Variants in NSMCE3 observed in about 807,000 individuals in gnomAD.
NSMCE3 encodes non-structural maintenance of chromosomes element 3 homolog.
For missense variants in NSMCE3, 452 were observed against 399.5 expected (o/e 1.13, Z -1.12); for synonymous variants, 214 against 172.2 (o/e 1.24, Z -1.90).
Position 29,269,652 on chromosome 15 carries a change from G to C in NSMCE3, c.54C>G (p.Asp18Glu), listed in dbSNP as rs771073952. The change falls in exon 1 of 1, where the codon GAC becomes GAG. Residue 18 changes from aspartate (D) to glutamate (E), a missense_variant. Asp to Glu is a conservative substitution (Grantham distance 45). Coordinates refer to ENST00000332303, the MANE Select transcript of NSMCE3 (RefSeq NM_138704.4). The stretch of plus-strand genomic sequence containing the variant: ...GGTTTCCGCTATGGCTCCAGTCTCT[G>C]TCCCTCTCGGCCTGGCCGCCAGAGC... ...RGRSGGQAER[D>E]RDWSHSGNPG... The C allele has an allele frequency of 1.9e-6, 3 of 1,571,902 alleles. No homozygotes were observed. Among genetic ancestry groups the C allele is most frequent in the South Asian group, 2.3e-5 (2 of 86,548 alleles).
chr15:29,269,763 T>C lies in NSMCE3; in HGVS notation c.-58A>G. Reference sequence around the variant, plus strand: ...GTAGGCAAGCAGCCGCGGCGGGGATTGCGGGTCGGCGACCCGCTAACGCCG... The same window carrying C: ...GTAGGCAAGCAGCCGCGGCGGGGATCGCGGGTCGGCGACCCGCTAACGCCG... On this transcript the variant is annotated 5_prime_UTR_variant, in exon 1 of 1. Coordinates refer to ENST00000332303, the MANE Select transcript of NSMCE3 (RefSeq NM_138704.4). 1.4e-6 allele frequency: 2 copies of C among 1,392,362 alleles called. No individual in the cohort carries two copies. The highest frequency in any genetic ancestry group is 3.2e-5 in the South Asian group (2 of 62,012). The allele number at this position is 1,392,362 out of a possible 1,614,324, so 86.3% of individuals were successfully genotyped here.
Position 29,269,029 on chromosome 15 carries a change from T to C in NSMCE3, c.677A>G (p.Asp226Gly). 1 of 1,614,148 alleles carries C rather than the reference T, an allele frequency of 6.2e-7. No individual in the cohort carries two copies. Among genetic ancestry groups the C allele is most frequent in the Non-Finnish European group, 8.5e-7 (1 of 1,180,030 alleles). The change falls in exon 1 of 1, where the codon GAC (aspartate) becomes GGC (glycine). Residue 226 changes from aspartate (D) to glycine (G), a missense_variant. Asp to Gly is a moderately conservative substitution (Grantham distance 94). Coordinates refer to ENST00000332303, the MANE Select transcript of NSMCE3 (RefSeq NM_138704.4). ...FGDPKKLITE[D>G]FVRQRYLEYR... ...TTCCAGGTAACGCTGTCGCACAAAG[T>C]CCTCAGTAATGAGTTTCTTTGGATC... is the stretch of plus-strand genomic sequence containing the variant.
In NSMCE3 at chr15:29,265,927, A is replaced by G. The variant is rs1290806215; in HGVS notation, c.*2864T>C. On this transcript the variant is annotated 3_prime_UTR_variant, in exon 1 of 1. Coordinates refer to ENST00000332303, the MANE Select transcript of NSMCE3 (RefSeq NM_138704.4). ...GGGAAAAAAGGCAGAAAACATATTT[A>G]CAATTTTAGGATTAGGGGAATTTTT... is the stretch of plus-strand genomic sequence containing the variant. 6.6e-6 allele frequency: 1 copy of G among 152,264 alleles called. No homozygotes were observed. The highest frequency in any genetic ancestry group is 2.4e-5 in the African/African-American group (1 of 41,470). 9.4% of individuals were successfully genotyped at this position (152,264 alleles called of 1,614,324 possible).
In NSMCE3 at chr15:29,269,568, C is replaced by T; in HGVS notation, c.138G>A (p.Glu46=). The change falls in exon 1 of 1, where the codon GAG becomes GAA. Residue 46 remains glutamate, a synonymous_variant. Transcript: ENST00000332303. Reference sequence around the variant, plus strand: ...CCGGCCCGCGGGACGTGCTCGGGGCCTCCTCGGCAAAGCCGTCTCTGAGAA... The same window carrying T: ...CCGGCCCGCGGGACGTGCTCGGGGCTTCCTCGGCAAAGCCGTCTCTGAGAA... ...ARVLRDGFAE[E]APSTSRGPGG... The T allele has an allele frequency of 6.5e-7, 1 of 1,531,516 alleles. No individual in the cohort carries two copies. The highest frequency in any genetic ancestry group is 1.4e-5 in the African/African-American group (1 of 69,412). 94.9% of individuals were successfully genotyped at this position (1,531,516 alleles called of 1,614,324 possible).
chr15:29,265,583 G>A lies in NSMCE3; in HGVS notation c.*3208C>T, dbSNP rs1398144391. Reference sequence around the variant, plus strand: ...GAATCCAGGAGGCAGAGATTGCACTGAGCCAAGATTGTGCCAATGCACTCC... The same window carrying A: ...GAATCCAGGAGGCAGAGATTGCACTAAGCCAAGATTGTGCCAATGCACTCC... On this transcript the variant is annotated 3_prime_UTR_variant, in exon 1 of 1. Coordinates refer to ENST00000332303, the MANE Select transcript of NSMCE3 (RefSeq NM_138704.4). 2 of 152,422 alleles carry A rather than the reference G, an allele frequency of 1.3e-5. No individual in the cohort carries two copies. The highest frequency in any genetic ancestry group is 4.8e-5 in the African/African-American group (2 of 41,578). 9.4% of individuals were successfully genotyped at this position (152,422 alleles called of 1,614,324 possible).
Position 29,268,929 on chromosome 15 carries a change from GC to G in NSMCE3, c.776del (p.Ser259ThrfsTer3). ...CCACAAACTTAAGAACTTTCATCTTGCTGGTTTCCAGGTTGGTTCGCGGGCC... is the reference window on the plus strand; with the variant it reads ...CCACAAACTTAAGAACTTTCATCTTGTGGTTTCCAGGTTGGTTCGCGGGCC... ...QWGPRTNLET[S>X]KMKVLKFVAK... On this transcript the variant is annotated frameshift_variant, in exon 1 of 1. Coordinates refer to ENST00000332303, the MANE Select transcript of NSMCE3 (RefSeq NM_138704.4). LOFTEE classifies it low-confidence loss of function (END_TRUNC). The G allele has an allele frequency of 6.2e-7, 1 of 1,614,174 alleles. No individual in the cohort carries two copies. The highest frequency in any genetic ancestry group is 8.5e-7 in the Non-Finnish European group (1 of 1,180,040).
chr15:29,268,990 G>T lies in NSMCE3; in HGVS notation c.716C>A (p.Pro239His). Reference protein sequence around the residue: ...RQRYLEYRRIPHTDPVDYEFQ... With the variant: ...RQRYLEYRRIHHTDPVDYEFQ... Reference sequence around the variant, plus strand: ...TTCGTAGTCGACGGGGTCGGTGTGGGGTATCCGCCGGTATTCCAGGTAACG... The same window carrying T: ...TTCGTAGTCGACGGGGTCGGTGTGGTGTATCCGCCGGTATTCCAGGTAACG... Residue 239 changes from proline to histidine, a missense_variant, in exon 1 of 1, where the codon CCC becomes CAC. Pro to His is a moderately conservative substitution (Grantham distance 77). Coordinates refer to ENST00000332303, the MANE Select transcript of NSMCE3 (RefSeq NM_138704.4). The T allele has an allele frequency of 6.2e-7, 1 of 1,614,106 alleles. No homozygotes were observed. The highest frequency in any genetic ancestry group is 8.5e-7 in the Non-Finnish European group (1 of 1,180,028).
rs2043508895 is a variant in NSMCE3, at chr15:29,267,637, T to C, written c.*1154A>G. The C allele has an allele frequency of 6.6e-6, 1 of 152,164 alleles. No homozygotes were observed. The highest frequency in any genetic ancestry group is 2.1e-4 in the South Asian group (1 of 4,830). The allele number at this position is 152,164 out of a possible 1,614,324, so 9.4% of individuals were successfully genotyped here. A position where few individuals can be genotyped will look rare whatever the true frequency, so the allele number is the denominator to read the frequency against. On this transcript the variant is annotated 3_prime_UTR_variant, in exon 1 of 1. Coordinates refer to ENST00000332303, the MANE Select transcript of NSMCE3 (RefSeq NM_138704.4). ...TGGGGCACACTCACCATACACGTTA[T>C]ATTTCCCCATACAATAGAGTGAGAC...
rs2153042097 is a variant in NSMCE3 at position 29,268,751 on chromosome 15, T to C, written c.*40A>G. ...CAATCCTCTAAACTGTGCCTTTGGG[T>C]CTCAGACCCTTGTCCCGGGGGTCCC... On this transcript the variant is annotated 3_prime_UTR_variant, in exon 1 of 1. Transcript: ENST00000332303. The C allele has an allele frequency of 6.4e-7, 1 of 1,558,436 alleles. No homozygotes were observed. The highest frequency in any genetic ancestry group is 1.2e-5 in the South Asian group (1 of 81,066).
rs1180853927 is a variant in NSMCE3, at chr15:29,268,289, T to G, written c.*502A>C. On this transcript the variant is annotated 3_prime_UTR_variant, in exon 1 of 1. Transcript: ENST00000332303. ...ACTATTGGGAGAAAATACATTACACTCATTGCTTGGAACCATGAATAATAC... is the reference window on the plus strand; with the variant it reads ...ACTATTGGGAGAAAATACATTACACGCATTGCTTGGAACCATGAATAATAC... 6.5e-6 allele frequency: 1 copy of G among 152,778 alleles called. No individual in the cohort carries two copies. Among genetic ancestry groups the G allele is most frequent in the Non-Finnish European group, 1.5e-5 (1 of 68,454 alleles). 9.5% of individuals were successfully genotyped at this position (152,778 alleles called of 1,614,324 possible).
At position 29,269,610 on chromosome 15, in the gene NSMCE3, G is replaced by A. The variant is rs756584888; in HGVS notation, c.96C>T (p.Ala32=). The A allele has an allele frequency of 5.8e-6, 9 of 1,563,032 alleles. No individual in the cohort carries two copies. Among genetic ancestry groups the A allele is most frequent in the Admixed American group, 1.9e-5 (1 of 53,854 alleles). Reference sequence around the variant, plus strand: ...CTCTGAGAACCCGGGCGTCTTCCCCGGCCCGCGAAGCCCCGGGGTTTCCGC... The same window carrying A: ...CTCTGAGAACCCGGGCGTCTTCCCCAGCCCGCGAAGCCCCGGGGTTTCCGC... ...SHSGNPGASR[A]GEDARVLRDG... is the part of the protein sequence containing the mutation. Residue 32 remains alanine, a synonymous_variant, in exon 1 of 1, where the codon GCC becomes GCT. Transcript: ENST00000332303.
At position 29,269,752 on chromosome 15, in the gene NSMCE3, G is replaced by C. The variant is rs770898369; in HGVS notation, c.-47C>G. ...CGCACACTCCGGTAGGCAAGCAGCC[G>C]CGGCGGGGATTGCGGGTCGGCGACC... On this transcript the variant is annotated 5_prime_UTR_variant, in exon 1 of 1. Transcript: ENST00000332303. 1 of 1,422,024 alleles carries C rather than the reference G, an allele frequency of 7.0e-7. No individual in the cohort carries two copies. The highest frequency in any genetic ancestry group is 9.2e-7 in the Non-Finnish European group (1 of 1,091,990). The allele number at this position is 1,422,024 out of a possible 1,614,324, so 88.1% of individuals were successfully genotyped here.
rs2043468468 is a variant in NSMCE3 at position 29,265,906 on chromosome 15, A to G, written c.*2885T>C. ...GATCAAAACTTTGAACACTTAGGGA[A>G]AAAAGGCAGAAAACATATTTACAAT... On this transcript the variant is annotated 3_prime_UTR_variant, in exon 1 of 1. Coordinates refer to ENST00000332303, the MANE Select transcript of NSMCE3 (RefSeq NM_138704.4). 6.6e-6 allele frequency: 1 copy of G among 152,254 alleles called. No homozygotes were observed. The highest frequency in any genetic ancestry group is 6.5e-5 in the Admixed American group (1 of 15,282). The allele number at this position is 152,254 out of a possible 1,614,324, so 9.4% of individuals were successfully genotyped here. A position where few individuals can be genotyped will look rare whatever the true frequency, so the allele number is the denominator to read the frequency against.
rs377386735 is a variant in NSMCE3 at position 29,269,323 on chromosome 15, T to C, written c.383A>G (p.Lys128Arg). The change falls in exon 1 of 1, where the codon AAA becomes AGA. Residue 128 changes from lysine (K) to arginine (R), a missense_variant. Lys to Arg is a conservative substitution (Grantham distance 26). Transcript: ENST00000332303. ...DYKDIFPDLF[K>R]RAAERLQYVF... ...GTACTGGAGGCGCTCGGCGGCCCGT[T>C]TGAAGAGGTCGGGGAAGATGTCCTT... 7 of 1,614,024 alleles carry C rather than the reference T, an allele frequency of 4.3e-6. No homozygotes were observed. Among genetic ancestry groups the C allele is most frequent in the Middle Eastern group, 1.6e-4 (1 of 6,084 alleles).
Position 29,266,969 on chromosome 15 carries a change from C to T in NSMCE3, c.*1822G>A, listed in dbSNP as rs1210853323. 1 of 152,138 alleles carries T rather than the reference C, an allele frequency of 6.6e-6. No individual in the cohort carries two copies. The highest frequency in any genetic ancestry group is 2.4e-5 in the African/African-American group (1 of 41,410). 9.4% of individuals were successfully genotyped at this position (152,138 alleles called of 1,614,324 possible). A position where few individuals can be genotyped will look rare whatever the true frequency, so the allele number is the denominator to read the frequency against. On this transcript the variant is annotated 3_prime_UTR_variant, in exon 1 of 1. Coordinates refer to ENST00000332303, the MANE Select transcript of NSMCE3 (RefSeq NM_138704.4). Reference sequence around the variant, plus strand: ...ATTATACAGGTGAGAATGCGAGTATCAGAGGGCATGAGGAGGAGAAAGCTG... The same window carrying T: ...ATTATACAGGTGAGAATGCGAGTATTAGAGGGCATGAGGAGGAGAAAGCTG...
chr15:29,269,688 C>T lies in NSMCE3; in HGVS notation c.18G>A (p.Arg6=). 2.6e-6 allele frequency: 4 copies of T among 1,551,148 alleles called. No individual in the cohort carries two copies. Among genetic ancestry groups the T allele is most frequent in the Non-Finnish European group, 3.5e-6 (4 of 1,155,810 alleles). ...CCTGGCCGCCAGAGCGGCCCCGGTT[C>T]CTCGGTTTTTGCAACATGTCTCCGG... MLQKP[R]NRGRSGGQAE... is the part of the protein sequence containing the mutation. The change falls in exon 1 of 1, where the codon AGG becomes AGA. Residue 6 remains arginine, a synonymous_variant. Transcript: ENST00000332303.
Position 29,268,690 on chromosome 15 carries a change from C to T in NSMCE3, c.*101G>A. 3.3e-6 allele frequency: 4 copies of T among 1,225,214 alleles called. No homozygotes were observed. The highest frequency in any genetic ancestry group is 1.6e-5 in the South Asian group (1 of 64,318). 75.9% of individuals were successfully genotyped at this position (1,225,214 alleles called of 1,614,324 possible). A position where few individuals can be genotyped will look rare whatever the true frequency, so the allele number is the denominator to read the frequency against. On this transcript the variant is annotated 3_prime_UTR_variant, in exon 1 of 1. Coordinates refer to ENST00000332303, the MANE Select transcript of NSMCE3 (RefSeq NM_138704.4). ...AAAGCTACACACATTGAAGCGTTTA[C>T]AGCAATATGCTCCCTGGGTTCGTTC...
chr15:29,268,878 C>T lies in NSMCE3; in HGVS notation c.828G>A (p.Lys276=). ...CCTCACAGTACTGCGCTGGCCAGTCCTTGGGGTCTTGATTATGGACCTTGG... is the reference window on the plus strand; with the variant it reads ...CCTCACAGTACTGCGCTGGCCAGTCTTTGGGGTCTTGATTATGGACCTTGG... The part of the protein sequence containing the change: ...FVAKVHNQDP[K]DWPAQYCEAL... The change falls in exon 1 of 1, where the codon AAG becomes AAA. Residue 276 remains lysine (K), a synonymous_variant. Transcript: ENST00000332303. The T allele has an allele frequency of 6.2e-7, 1 of 1,614,134 alleles. No individual in the cohort carries two copies. Among genetic ancestry groups the T allele is most frequent in the Non-Finnish European group, 8.5e-7 (1 of 1,180,030 alleles).
Position 29,269,569 on chromosome 15 carries a change from T to C in NSMCE3, c.137A>G (p.Glu46Gly), listed in dbSNP as rs2043565406. 6 of 1,531,992 alleles carry C rather than the reference T, an allele frequency of 3.9e-6. No homozygotes were observed. The highest frequency in any genetic ancestry group is 3.5e-6 in the Non-Finnish European group (4 of 1,143,766). 94.9% of individuals were successfully genotyped at this position (1,531,992 alleles called of 1,614,324 possible). A position where few individuals can be genotyped will look rare whatever the true frequency, so the allele number is the denominator to read the frequency against. ...ARVLRDGFAE[E>G]APSTSRGPGG... ...CGGCCCGCGGGACGTGCTCGGGGCC[T>C]CCTCGGCAAAGCCGTCTCTGAGAAC... Residue 46 changes from glutamate (E) to glycine (G), a missense_variant, in exon 1 of 1, where the codon GAG becomes GGG. Glu to Gly is a moderately conservative substitution (Grantham distance 98). Transcript: ENST00000332303.
Sources: gnomAD v4.1 joint callset for allele counts on GRCh38, gnomAD v4.1.1 for gene constraint, MANE v1.5 for transcripts, NCBI Gene and HGNC (gene_info 2026-07-23, HGNC 2026-07-21) for gene names.